ALPK1: variants seen among roughly 807,000 people sequenced by gnomAD.
ALPK1 encodes alpha kinase 1, also known as alpha-protein kinase 1.
In ALPK1, 110 loss-of-function variants were observed where a neutral mutation model predicts 120.6. The ratio of observed to expected loss-of-function variants is 0.91; its 90% confidence interval spans 0.78 to 1.07. The LOEUF (loss-of-function observed/expected upper bound fraction) is 1.07. ALPK1 is among the 50% of genes least tolerant of loss of function. The pLI is 0.00. For missense variants in ALPK1, 1,498 were observed against 1,483.9 expected, an observed-to-expected ratio of 1.01 and a Z score of -0.16; for synonymous variants, 582 against 560.3, an observed-to-expected ratio of 1.04 and a Z score of -0.55.
At chr4:112,378,863 C>G (rs138232291) in intron 3 of ALPK1, among the ~76,000 whole-genome samples, 20 of 152,284 alleles carry the variant, frequency 1.3e-4, no homozygotes, top group Non-Finnish European at 2.2e-4. Context: ...TTATTTGTAA[C>G]CTGTCATTTG....
intron 2 of ALPK1, among the ~76,000 whole-genome samples, chr4:112,349,868 A>T (rs1230209717): frequency 6.6e-6 from 1 of 151,966 alleles, no homozygotes; most frequent in Non-Finnish European, 1.5e-5. Context: ...TTAATTTTTT[A>T]AAAAAACTCT....
Position 112,430,740 on chromosome 4 carries a change from G to A in ALPK1, c.1193G>A (p.Ser398Asn), listed in dbSNP as rs758140198. 1.2e-6 allele frequency: 2 copies of A among 1,614,242 alleles called. No homozygotes were observed. The highest frequency in any genetic ancestry group is 1.7e-6 in the Non-Finnish European group (2 of 1,180,052). The change falls in exon 11 of 16, where the codon AGT becomes AAT. Residue 398 changes from serine to asparagine, a missense_variant. By Grantham distance (46) the Ser-to-Asn change is conservative. Transcript: ENST00000650871. ...TACAATTTCAGCACTTCCTCCAGAA[G>A]TCAGGACAGAGAAGCTCTGTCTCAA... ...KLYNFSTSSR[S>N]QDREALSQEV...
At chr4:112,337,268 T>G (rs1729660910) in intron 2 of ALPK1, among the ~76,000 whole-genome samples, 1 of 152,220 alleles carries the variant, frequency 6.6e-6, no homozygotes, top group African/African-American at 2.4e-5. Context: ...TAAAAGCACA[T>G]TTTATACTTC....
chr4:112,379,044 T>C (rs1416628965), intron 3 of ALPK1, among the ~76,000 whole-genome samples: 1 of 152,196 alleles, frequency 6.6e-6, no homozygotes, highest in South Asian at 2.1e-4. Context: ...ACCTATAGAA[T>C]ATGCTCTATG....
chr4:112,308,682 A>C (rs927794856), intron 1 of ALPK1, among the ~76,000 whole-genome samples: 1 of 151,956 alleles, frequency 6.6e-6, no homozygotes, highest in Non-Finnish European at 1.5e-5. Context: ...GCTTCTTTGC[A>C]ATGGGTTCGA....
At chr4:112,437,367 A>G (rs1734832106) in intron 12 of ALPK1, among the ~76,000 whole-genome samples, 1 of 151,986 alleles carries the variant, frequency 6.6e-6, no homozygotes, top group South Asian at 2.1e-4. Flanking sequence ...ATGATCCCAG[A>G]AAAAAAATGG....
chr4:112,434,139 CTTAT>C (rs1295734659), intron 11 of ALPK1, among the ~76,000 whole-genome samples: 1 of 152,180 alleles, frequency 6.6e-6, no homozygotes, highest in Non-Finnish European at 1.5e-5. Context: ...CTGCTTTCTT[CTTAT>C]TTGTTATCGT....
intron 5 of ALPK1, among the ~76,000 whole-genome samples, chr4:112,421,687 G>A (rs773044090): frequency 2.4e-4 from 36 of 152,076 alleles, no homozygotes; most frequent in Non-Finnish European, 4.6e-4. Flanking sequence ...ACACATTTCT[G>A]TTTATGTCTT....
chr4:112,356,890 G>A, intron 2 of ALPK1: 1 of 748,310 alleles, frequency 1.3e-6, no homozygotes, highest in Non-Finnish European at 2.5e-6. Flanking sequence ...AAACTCACAA[G>A]GTGAAGAAGA....
chr4:112,369,773 C>A (rs1731322063), intron 2 of ALPK1, among the ~76,000 whole-genome samples: 1 of 152,162 alleles, frequency 6.6e-6, no homozygotes, highest in Admixed American at 6.5e-5. Context: ...ATGAATCTAA[C>A]CAAGGGTTAA....
At chr4:112,404,875 C>T (rs543727538) in intron 4 of ALPK1, among the ~76,000 whole-genome samples, 1 of 152,328 alleles carries the variant, frequency 6.6e-6, no homozygotes, top group African/African-American at 2.4e-5. Flanking sequence ...CAAGAACAGT[C>T]ATAGTCAAAG....
intron 2 of ALPK1, among the ~76,000 whole-genome samples, chr4:112,349,556 C>CCCCCT (rs1553939393): frequency 7.0e-6 from 1 of 142,618 alleles, no homozygotes; most frequent in Non-Finnish European, 1.5e-5. Flanking sequence ...CCCCTGCCCC[C>CCCCCT]CCCCGCTTTA....
At position 112,431,017 on chromosome 4, in the gene ALPK1, C is replaced by G. The variant is rs749320930; in HGVS notation, c.1470C>G (p.Ile490Met). Residue 490 changes from isoleucine (I) to methionine (M), a missense_variant, in exon 11 of 16, where the codon ATC (isoleucine) becomes ATG (methionine). By Grantham distance (10) the Ile-to-Met change is conservative. Transcript: ENST00000650871. ...AAGATGCAAAAACAGGAGTCTGCAT[C>G]ACTGCTCTAAAAACAGAAATAAAAA... Reference protein sequence around the residue: ...EQKDAKTGVCITALKTEIKNI... With the variant: ...EQKDAKTGVCMTALKTEIKNI... 1 of 1,613,436 alleles carries G rather than the reference C, an allele frequency of 6.2e-7. No individual in the cohort carries two copies. Among genetic ancestry groups the G allele is most frequent in the Non-Finnish European group, 8.5e-7 (1 of 1,179,788 alleles).
intron 3 of ALPK1, among the ~76,000 whole-genome samples, chr4:112,381,712 A>C (rs1731914207): frequency 6.6e-6 from 1 of 152,168 alleles, no homozygotes; most frequent in Admixed American, 6.5e-5. Context: ...AGTTAATTCA[A>C]TTCTGTTTCG....
intron 2 of ALPK1, among the ~76,000 whole-genome samples, chr4:112,369,525 C>T (rs1414958240): frequency 3.3e-5 from 5 of 151,262 alleles, no homozygotes; most frequent in East Asian, 2.0e-4. Context: ...ATTAAAAAGA[C>T]GTTTTAGATT....
At chr4:112,354,330 A>G (rs1254516275) in intron 2 of ALPK1, among the ~76,000 whole-genome samples, 2 of 152,046 alleles carry the variant, frequency 1.3e-5, no homozygotes, top group African/African-American at 4.8e-5. Context: ...TGTCTTTCAC[A>G]TTTAAGTTTT....
chr4:112,314,477 G>A (rs572166898), intron 1 of ALPK1, among the ~76,000 whole-genome samples: 1 of 152,288 alleles, frequency 6.6e-6, no homozygotes, highest in East Asian at 1.9e-4. Flanking sequence ...ACAAAATTTA[G>A]GCTGTATGAC....
intron 2 of ALPK1, among the ~76,000 whole-genome samples, chr4:112,375,006 T>C (rs1208806945): frequency 6.6e-6 from 1 of 152,134 alleles, no homozygotes; most frequent in African/African-American, 2.4e-5. Flanking sequence ...AGCCACCAGC[T>C]GCATTAACCT....
intron 4 of ALPK1, among the ~76,000 whole-genome samples, chr4:112,404,196 G>A (rs975147662): frequency 6.6e-6 from 1 of 152,234 alleles, no homozygotes; most frequent in Non-Finnish European, 1.5e-5. Flanking sequence ...GATGTTACAT[G>A]CATGACCCAT....
Sources: allele counts gnomAD v4.1 joint callset (sites outside exome capture counted in the v4.1 genomes callset), GRCh38; gene constraint gnomAD v4.1.1; transcripts MANE v1.5; gene names NCBI Gene and HGNC (gene_info 2026-07-23, HGNC 2026-07-21).